The following MRC1 variants were observed in gnomAD, a reference collection of about 807,000 sequenced individuals.
MRC1 encodes the protein macrophage mannose receptor 1.
A neutral mutation model predicts 102.9 loss-of-function variants in MRC1; 62 were observed. The observed-to-expected ratio is 0.60, with a 90% CI of 0.49 to 0.74. The LOEUF (loss-of-function observed/expected upper bound fraction) is 0.74, where lower values mean the gene tolerates loss of function less well. Ranked by LOEUF, MRC1 falls within the 30% of genes least tolerant of loss-of-function variation. The pLI is 0.00. For synonymous variants in MRC1, 457 were observed against 298.4 expected (o/e 1.53, Z -5.48); for missense variants, 1,237 against 862.8 (o/e 1.43, Z -5.43).
rs895209806 is a variant in MRC1 at position 17,885,249 on chromosome 10, A to T, written c.2981-20A>T. The stretch of plus-strand genomic sequence containing the variant: ...ATTAACTCTCAAAGTTTAAAATTAT[A>T]TCATGAAATTTTCTTTCAGCATTTC... On this transcript the variant is annotated intron_variant, in intron 21 of 29. Coordinates refer to ENST00000569591, the MANE Select transcript of MRC1 (RefSeq NM_002438.4). 14 of 780,696 alleles carry T rather than the reference A, an allele frequency of 1.8e-5. No individual in the cohort carries two copies. The highest frequency in any genetic ancestry group is 3.3e-5 in the Non-Finnish European group (14 of 417,956). 48.4% of individuals were successfully genotyped at this position (780,696 alleles called of 1,614,324 possible). A position where few individuals can be genotyped will look rare whatever the true frequency, so the allele number is the denominator to read the frequency against.
intron 12 of MRC1, among the ~76,000 whole-genome samples, chr10:17,868,487 T>C (rs999175507): frequency 5.9e-5 from 9 of 152,168 alleles, no homozygotes; most frequent in Admixed American, 3.3e-4. Flanking sequence ...CCTCCCTCAA[T>C]GTGGGGATTA....
At chr10:17,905,648 CTAA>C (rs1319709369) in intron 26 of MRC1, among the ~76,000 whole-genome samples, 10 of 151,626 alleles carry the variant, frequency 6.6e-5, no homozygotes, top group East Asian at 1.9e-4. Context: ...TTTGAAACGG[CTAA>C]TGTTTGTGAA....
At chr10:17,892,474 T>C (rs1472514794) in intron 22 of MRC1, among the ~76,000 whole-genome samples, 1 of 152,224 alleles carries the variant, frequency 6.6e-6, no homozygotes, top group Non-Finnish European at 1.5e-5. Flanking sequence ...GGGGGGCAGC[T>C]GTTTGTCTTG....
At position 17,856,397 on chromosome 10, in the gene MRC1, G is replaced by A. The variant is rs1833093453; in HGVS notation, c.1518+45G>A. On this transcript the variant is annotated intron_variant, in intron 9 of 29. Transcript: ENST00000569591. ...AGTGACTTAAGCTGAGCACGTATGAGTTGATACCGTTGGCTTTATTTTTAT... is the reference window on the plus strand; with the variant it reads ...AGTGACTTAAGCTGAGCACGTATGAATTGATACCGTTGGCTTTATTTTTAT... 15 of 813,220 alleles carry A rather than the reference G, an allele frequency of 1.8e-5. No individual in the cohort carries two copies. In the South Asian group the frequency reaches 2.2e-4, roughly 12 times the overall value. 50.4% of individuals were successfully genotyped at this position (813,220 alleles called of 1,614,324 possible).
At chr10:17,909,386 T>TA in intron 29 of MRC1, 39 bp downstream of exon 29, 1 of 840,528 alleles carries the variant, frequency 1.2e-6, no homozygotes, top group Non-Finnish European at 2.1e-6. Context: ...GTGTTAGTAA[T>TA]ACATCCGTAC....
In MRC1 at chr10:17,894,198, A is replaced by G. The variant is rs989143793; in HGVS notation, c.3148-12A>G. ...ATGATTGTTTTCTTTTTCTTTCTCC[A>G]TAAATATACAGGCTGACTGTGTTGT... On this transcript the variant is annotated splice_polypyrimidine_tract_variant and intron_variant, in intron 22 of 29. Transcript: ENST00000569591. 6.9e-3 allele frequency: 6,010 copies of G among 872,016 alleles called. 29 individuals carry two copies. The highest frequency in any genetic ancestry group is 9.1e-3 in the Non-Finnish European group (4,571 of 501,162). 54.0% of individuals were successfully genotyped at this position (872,016 alleles called of 1,614,324 possible). A position where few individuals can be genotyped will look rare whatever the true frequency, so the allele number is the denominator to read the frequency against.
chr10:17,848,309 T>A (rs924394279), intron 6 of MRC1, among the ~76,000 whole-genome samples: 1 of 152,202 alleles, frequency 6.6e-6, no homozygotes, highest in Non-Finnish European at 1.5e-5. Context: ...ATCTCTAGAA[T>A]AGTAATAACA....
chr10:17,894,394 C>CTTTTTTTTTT (rs34625338), intron 23 of MRC1, 82 bp downstream of exon 23: 66 of 406,280 alleles, frequency 1.6e-4, no homozygotes, highest in African/African-American at 4.1e-4. Context: ...TTCTTTCTTT[C>CTTTTTTTTTT]TTTTTTTTTT....
At chr10:17,877,796 G>C (rs1432509251) in intron 17 of MRC1, 104 bp from the exon 18 acceptor site, 2 of 822,834 alleles carry the variant, frequency 2.4e-6, no homozygotes, top group African/African-American at 3.3e-5. Context: ...TTCCTCTCTA[G>C]ATAAGGTTTC....
chr10:17,850,676 C>A (rs1406149688), intron 7 of MRC1, among the ~76,000 whole-genome samples: 3 of 152,038 alleles, frequency 2.0e-5, no homozygotes, highest in African/African-American at 4.8e-5. Context: ...TGCAGCTGCT[C>A]TTCATTTCCC....
intron 13 of MRC1, 42 bp from the exon 14 acceptor site, chr10:17,870,806 C>T (rs1833344308): frequency 1.1e-6 from 1 of 870,716 alleles, no homozygotes; most frequent in African/African-American, 1.6e-5. Context: ...GAACTTGCTT[C>T]ATGCAATAGC....
chr10:17,825,379 A>G (rs1290554669), intron 2 of MRC1, among the ~76,000 whole-genome samples: 1 of 152,116 alleles, frequency 6.6e-6, no homozygotes, highest in Non-Finnish European at 1.5e-5. Context: ...TCAGTGGGGT[A>G]GTTGGGGTTC....
In MRC1 at chr10:17,856,250, C is replaced by G. The variant is rs1554840889; in HGVS notation, c.1416C>G (p.Tyr472Ter). 2.3e-6 allele frequency: 2 copies of G among 862,286 alleles called. No homozygotes were observed. The highest frequency in any genetic ancestry group is 1.7e-5 in the Admixed American group (1 of 57,878). 53.4% of individuals were successfully genotyped at this position (862,286 alleles called of 1,614,324 possible). Residue 472 changes from tyrosine to a stop codon, truncating the protein, a stop_gained, in exon 9 of 30, where the codon TAC becomes TAG. Transcript: ENST00000569591. LOFTEE classifies it high-confidence loss of function. ...DCVVMKGKDGYWADRGCEWPL... is the reference protein window; with the variant it reads ...DCVVMKGKDG ...CTCTCTGCTCCCTGCAGGATGGGTA[C>G]TGGGCAGATCGGGGCTGTGAGTGGC...
chr10:17,847,902 G>C (rs1292530614), intron 6 of MRC1, among the ~76,000 whole-genome samples: 1 of 146,230 alleles, frequency 6.8e-6, no homozygotes, highest in African/African-American at 2.5e-5. Context: ...GCTGTACTAA[G>C]CTTGCTTTCT....
chr10:17,909,924 T>C (rs1833946558), intron 29 of MRC1, among the ~76,000 whole-genome samples: 2 of 152,292 alleles, frequency 1.3e-5, no homozygotes, highest in African/African-American at 4.8e-5. Context: ...ACTGTATTTT[T>C]AACAGCCTTA....
rs71393044 is a variant in MRC1, at chr10:17,849,303, TA to T, written c.1064-260del. On this transcript the variant is annotated intron_variant, in intron 6 of 29. Transcript: ENST00000569591. ...GGGAATAGAGGGAGACCTTGTCTCT[TA>T]AAAAAAAAAAAAAAAGAAAGAAAGA... is the stretch of plus-strand genomic sequence containing the variant. 8.0e-3 allele frequency among the ~76,000 whole-genome samples: 1,088 copies of T among 135,240 alleles called. 2 individuals carry two copies. The highest frequency in any genetic ancestry group is 9.0e-3 in the Non-Finnish European group (575 of 64,140). The allele number at this position is 135,240 out of a possible 152,430, so 88.7% of individuals were successfully genotyped here.
At chr10:17,809,982 G>A (rs939194709) in intron 1 of MRC1, among the ~76,000 whole-genome samples, 2 of 152,092 alleles carry the variant, frequency 1.3e-5, no homozygotes, top group Non-Finnish European at 1.5e-5. Context: ...GGGTATCATC[G>A]CAGATCATCC....
At chr10:17,847,558 A>G (rs977399272) in intron 6 of MRC1, among the ~76,000 whole-genome samples, 26 of 152,258 alleles carry the variant, frequency 1.7e-4, no homozygotes, top group African/African-American at 6.3e-4. Context: ...GGGATTAGCA[A>G]CAGCCTTAGG....
chr10:17,810,833 C>A (rs1420559785), intron 1 of MRC1, among the ~76,000 whole-genome samples: 1 of 152,184 alleles, frequency 6.6e-6, no homozygotes, highest in Non-Finnish European at 1.5e-5. Flanking sequence ...CATTTTGTTG[C>A]CCAGGCTGCA....
Sources: allele counts gnomAD v4.1 joint callset (sites outside exome capture counted in the v4.1 genomes callset), GRCh38; gene constraint gnomAD v4.1.1; transcripts MANE v1.5; gene names NCBI Gene and HGNC (gene_info 2026-07-23, HGNC 2026-07-21).